Variants in CD200 observed in about 807,000 individuals in gnomAD.
CD200 encodes CD200 molecule.
CD200 carries 15 observed loss-of-function variants against 30.9 expected under a neutral mutation model. The observed-to-expected ratio is 0.49, with a 90% CI of 0.32 to 0.75. The LOEUF is 0.75. Ranked by LOEUF, CD200 falls within the 30% of genes least tolerant of loss-of-function variation. CD200 has a pLI of 0.03. For missense variants in CD200, 262 were observed against 324.2 expected (o/e 0.81, Z 1.47); for synonymous variants, 134 against 126.2 (o/e 1.06, Z -0.41).
At chr3:112,349,243 T>TG (rs1031851739) in intron 4 of CD200, among the ~76,000 whole-genome samples, 1 of 152,210 alleles carries the variant, frequency 6.6e-6, no homozygotes, top group African/African-American at 2.4e-5. Context: ...GAGTTATCTC[T>TG]GGGGGTTGAA....
upstream of CD200, chr3:112,333,137 C>T: frequency 6.5e-7 from 1 of 1,542,254 alleles, no homozygotes; most frequent in Non-Finnish European, 8.7e-7. Context: ...ACAGGTGACG[C>T]TCCTCCCGCC....
chr3:112,336,391 A>T (rs1008294996), intron 1 of CD200, among the ~76,000 whole-genome samples: 3 of 152,128 alleles, frequency 2.0e-5, no homozygotes, highest in Admixed American at 2.0e-4. Flanking sequence ...CCATCACAAG[A>T]CAATAAAAAT....
intron 1 of CD200, among the ~76,000 whole-genome samples, chr3:112,338,996 T>A (rs2081180708): frequency 2.6e-5 from 4 of 152,208 alleles, no homozygotes; most frequent in African/African-American, 9.7e-5. Flanking sequence ...AAAATGATGA[T>A]AATAATAGTG....
rs1559782885 is a variant in CD200, at chr3:112,342,316, TCTTTCTTTCTTTCTTTCTTTC to T, written c.94+1337_94+1357del. 1.6e-3 allele frequency among the ~76,000 whole-genome samples: 29 copies of T among 18,090 alleles called. 2 individuals carry two copies. Among genetic ancestry groups the T allele is most frequent in the African/African-American group, 5.1e-3 (21 of 4,110 alleles). 11.9% of individuals were successfully genotyped at this position (18,090 alleles called of 152,430 possible). On this transcript the variant is annotated intron_variant, in intron 2 of 5. Coordinates refer to ENST00000315711, the MANE Select transcript of CD200 (RefSeq NM_005944.7). ...TTCCTTCCTTCCTTCCTTTCTTCTT[TCTTTCTTTCTTTCTTTCTTTC>T]CTTCTTTCTTTCTTTCTTTCTTTCT...
In CD200 at chr3:112,333,165, G is replaced by A. The variant is rs748528857; in HGVS notation, c.-48G>A. On this transcript the variant is annotated 5_prime_UTR_variant, in exon 1 of 6. Coordinates refer to ENST00000315711, the MANE Select transcript of CD200 (RefSeq NM_005944.7). ...CTCCCGCCTGCCTAGCAGAGCTCCAGGCGCACATCCGCAGTCAGCCACCTC... is the reference window on the plus strand; with the variant it reads ...CTCCCGCCTGCCTAGCAGAGCTCCAAGCGCACATCCGCAGTCAGCCACCTC... The A allele has an allele frequency of 3.9e-6, 6 of 1,548,308 alleles. No individual in the cohort carries two copies. In the African/African-American group the frequency reaches 8.2e-5, roughly 21 times the overall value.
intron 4 of CD200, among the ~76,000 whole-genome samples, chr3:112,348,432 C>T (rs1649068316): frequency 6.6e-6 from 1 of 152,160 alleles, no homozygotes; most frequent in Non-Finnish European, 1.5e-5. Flanking sequence ...CTATCCAAGT[C>T]CCTTTTTGCT....
intron 3 of CD200, 170 bp from the exon 4 acceptor site, chr3:112,347,388 T>C (rs904812443): frequency 5.3e-6 from 1 of 187,788 alleles, no homozygotes; most frequent in African/African-American, 2.4e-5. Flanking sequence ...GATCAGAAAA[T>C]TAGACACAAG....
chr3:112,352,487 G>A (rs1463307722), intron 5 of CD200, among the ~76,000 whole-genome samples: 1 of 152,000 alleles, frequency 6.6e-6, no homozygotes, highest in Non-Finnish European at 1.5e-5. Flanking sequence ...TTTGAACTTG[G>A]TGACCTCAAA....
chr3:112,337,477 A>G (rs2081144500), intron 1 of CD200, among the ~76,000 whole-genome samples: 1 of 152,172 alleles, frequency 6.6e-6, no homozygotes. Flanking sequence ...GAGGGGATAC[A>G]TAGGAAGGCA....
intron 2 of CD200, among the ~76,000 whole-genome samples, chr3:112,343,016 T>G (rs940139886): frequency 6.6e-6 from 1 of 152,120 alleles, no homozygotes; most frequent in Non-Finnish European, 1.5e-5. Context: ...TCTTATGATA[T>G]CTTTATTCAT....
upstream of CD200, chr3:112,333,040 C>A (rs948524574): frequency 1.2e-6 from 1 of 855,652 alleles, no homozygotes; most frequent in Non-Finnish European, 1.8e-6. Context: ...CCCACACAGA[C>A]AGCCTCCGCT....
rs1470978047 is a variant in CD200, at chr3:112,345,074, T to G, written c.207T>G (p.Ala69=). 1.2e-6 allele frequency: 2 copies of G among 1,614,096 alleles called. No homozygotes were observed. Among genetic ancestry groups the G allele is most frequent in the Non-Finnish European group, 1.7e-6 (2 of 1,179,994 alleles). Residue 69 remains alanine, a synonymous_variant, in exon 3 of 6, where the codon GCT becomes GCG. Transcript: ENST00000315711. ...ALIVTWQKKK[A]VSPENMVTFS... ...TTGTGACATGGCAGAAAAAGAAAGCTGTAAGCCCAGAAAACATGGTCACCT... is the reference window on the plus strand; with the variant it reads ...TTGTGACATGGCAGAAAAAGAAAGCGGTAAGCCCAGAAAACATGGTCACCT...
At chr3:112,339,298 T>A (rs533779201) in intron 1 of CD200, among the ~76,000 whole-genome samples, 2 of 152,166 alleles carry the variant, frequency 1.3e-5, no homozygotes, top group Admixed American at 6.5e-5. Flanking sequence ...AATTTTGCAA[T>A]ACCAAGAGCC....
chr3:112,345,281 C>G lies in CD200; in HGVS notation c.414C>G (p.Thr138=), dbSNP rs79269828. Residue 138 remains threonine (T), a synonymous_variant, in exon 3 of 6, where the codon ACC becomes ACG. Transcript: ENST00000315711. ...AGATCTCAGGAACGGCCTGCCTCAC[C>G]GTCTATGGTGAGAATCTCTGAGAAT... ...FGKISGTACL[T]VYVQPIVSLH... is the part of the protein sequence containing the mutation. 1.9e-6 allele frequency: 3 copies of G among 1,610,944 alleles called. No homozygotes were observed. The highest frequency in any genetic ancestry group is 1.7e-5 in the Admixed American group (1 of 59,944).
At chr3:112,359,247 T>A (rs78848702) in intron 5 of CD200, among the ~76,000 whole-genome samples, 30,812 of 151,898 alleles carry the variant, frequency 0.2, 3,450 homozygotes, top group East Asian at 0.44. Context: ...GAGCTTTTTT[T>A]AAAAAAAACA....
intron 1 of CD200, among the ~76,000 whole-genome samples, chr3:112,338,219 C>A (rs1200151449): frequency 6.6e-6 from 1 of 152,112 alleles, no homozygotes; most frequent in Non-Finnish European, 1.5e-5. Context: ...AGACACTTCA[C>A]ATGCGAGAAT....
chr3:112,348,390 C>T (rs1337598001), intron 4 of CD200, among the ~76,000 whole-genome samples: 1 of 152,174 alleles, frequency 6.6e-6, no homozygotes, highest in Admixed American at 6.5e-5. Context: ...ATCTGAAGTG[C>T]TTTCGTCACC....
At chr3:112,359,239 GC>G (rs2081690696) in intron 5 of CD200, among the ~76,000 whole-genome samples, 2 of 151,828 alleles carry the variant, frequency 1.3e-5, no homozygotes, top group African/African-American at 2.4e-5. Flanking sequence ...TAATTTAAGA[GC>G]TTTTTTTAAA....
intron 2 of CD200, among the ~76,000 whole-genome samples, chr3:112,341,998 T>C (rs1221981581): frequency 6.6e-6 from 1 of 152,146 alleles, no homozygotes; most frequent in Non-Finnish European, 1.5e-5. Flanking sequence ...CATTCCCTGA[T>C]ATTGTGGGGG....
Sources: allele counts gnomAD v4.1 joint callset (sites outside exome capture counted in the v4.1 genomes callset), GRCh38; gene constraint gnomAD v4.1.1; transcripts MANE v1.5; gene names NCBI Gene and HGNC (gene_info 2026-07-23, HGNC 2026-07-21).